Variants in FBXW8 observed in about 807,000 individuals in gnomAD.
FBXW8 encodes F-box/WD repeat-containing protein 8.
FBXW8 carries 57 observed loss-of-function variants against 65.3 expected under a neutral mutation model. The ratio of observed to expected loss-of-function variants is 0.87; its 90% CI spans 0.71 to 1.09. The LOEUF (loss-of-function observed/expected upper bound fraction) is 1.09. Among genes scored for constraint, FBXW8 ranks in the 50% least tolerant of loss-of-function variants. The pLI is 0.00. For synonymous variants in FBXW8, 308 were observed against 330.2 expected (o/e 0.93, Z 0.73); for missense variants, 777 against 814.8 (o/e 0.95, Z 0.57).
At chr12:116,938,917 T>C (rs1882362480) in intron 2 of FBXW8, among the ~76,000 whole-genome samples, 1 of 152,198 alleles carries the variant, frequency 6.6e-6, no homozygotes, top group African/African-American at 2.4e-5. Context: ...GTAGCCCCAG[T>C]CTGGGTGCAT....
At chr12:117,012,929 A>G (rs1953861817) in intron 8 of FBXW8, among the ~76,000 whole-genome samples, 1 of 152,146 alleles carries the variant, frequency 6.6e-6, no homozygotes, top group South Asian at 2.1e-4. Context: ...CATGGGTGGA[A>G]TTTTATAAGG....
intron 5 of FBXW8, chr12:116,980,472 C>G (rs1885230414): frequency 6.6e-6 from 1 of 152,168 alleles, no homozygotes; most frequent in South Asian, 2.1e-4. Context: ...CAGCCACATC[C>G]AGCACTGTGA....
chr12:116,960,900 A>AGGAGG (rs1198084773), intron 4 of FBXW8, among the ~76,000 whole-genome samples: 1 of 152,198 alleles, frequency 6.6e-6, no homozygotes, highest in Non-Finnish European at 1.5e-5. Flanking sequence ...TCAGGCTTCA[A>AGGAGG]GGAGGGGAGG....
intron 1 of FBXW8, among the ~76,000 whole-genome samples, chr12:116,927,230 C>G (rs1284332724): frequency 1.3e-5 from 2 of 152,098 alleles, no homozygotes; most frequent in East Asian, 1.9e-4. Context: ...TTTGTGCTAC[C>G]AGGATCGTCA....
intron 3 of FBXW8, among the ~76,000 whole-genome samples, chr12:116,945,886 T>C (rs935816156): frequency 6.6e-6 from 1 of 152,214 alleles, no homozygotes; most frequent in South Asian, 2.1e-4. Context: ...ACTACCTGCA[T>C]ACAAAAGAGG....
At chr12:116,928,831 G>A (rs757167572) in intron 2 of FBXW8, among the ~76,000 whole-genome samples, 2 of 152,020 alleles carry the variant, frequency 1.3e-5, no homozygotes, top group Non-Finnish European at 2.9e-5. Flanking sequence ...TTTTTTTTGA[G>A]ATGGAGTTTT....
At position 116,936,240 on chromosome 12, in the gene FBXW8, ACT is replaced by A. The variant is rs1434061506; in HGVS notation, c.423+8114_423+8115del. On this transcript the variant is annotated intron_variant, in intron 2 of 10. Coordinates refer to ENST00000652555, the MANE Select transcript of FBXW8 (RefSeq NM_153348.3). This position sits in a 1 kb window ranked among gnomAD's most constrained non-coding sequence, Gnocchi z 4.6. ...CAGAGTGGAATAGCAAGGACGAAGG[ACT>A]TGAGGCAGACACAGCTGAAGCTCAT... Among the ~76,000 whole-genome samples, 1 of 152,180 alleles carries A rather than the reference ACT, an allele frequency of 6.6e-6. No individual in the cohort carries two copies. The highest frequency in any genetic ancestry group is 1.9e-4 in the East Asian group (1 of 5,198).
chr12:116,981,467 C>T (rs1885297755), intron 5 of FBXW8, among the ~76,000 whole-genome samples: 1 of 152,028 alleles, frequency 6.6e-6, no homozygotes, highest in African/African-American at 2.4e-5. Flanking sequence ...AAGATAATTG[C>T]CTGCTTATGC....
chr12:116,951,257 G>A (rs946653182), intron 4 of FBXW8: 2 of 152,208 alleles, frequency 1.3e-5, no homozygotes, highest in African/African-American at 4.8e-5. Context: ...TGATGGCTTA[G>A]CATGAGAGAC....
At chr12:116,963,531 G>T (rs1351384350) in intron 4 of FBXW8, among the ~76,000 whole-genome samples, 2 of 152,200 alleles carry the variant, frequency 1.3e-5, no homozygotes, top group African/African-American at 4.8e-5. Flanking sequence ...TTGAACCTGG[G>T]AGACGGAGGT....
chr12:116,922,108 A>T (rs547059314), intron 1 of FBXW8, among the ~76,000 whole-genome samples: 1 of 152,040 alleles, frequency 6.6e-6, no homozygotes, highest in Non-Finnish European at 1.5e-5. Flanking sequence ...GGGATTACAG[A>T]TATGAGCCAC....
At chr12:116,967,816 G>C (rs111573549) in intron 5 of FBXW8, among the ~76,000 whole-genome samples, 4,012 of 152,266 alleles carry the variant, frequency 0.026, 66 homozygotes, top group Non-Finnish European at 0.041. Context: ...ATCCAGACTG[G>C]AGTGCAGTGG....
chr12:116,985,660 G>A (rs964506002), intron 6 of FBXW8: 2 of 390,910 alleles, frequency 5.1e-6, no homozygotes, highest in Non-Finnish European at 9.2e-6. Flanking sequence ...AAACCTCAGG[G>A]CTGACTTCAG....
chr12:116,920,768 G>A (rs1250516248), intron 1 of FBXW8, among the ~76,000 whole-genome samples: 2 of 152,146 alleles, frequency 1.3e-5, no homozygotes, highest in Admixed American at 1.3e-4. Context: ...TTAATCATTT[G>A]TGACCAACAG....
intron 5 of FBXW8, among the ~76,000 whole-genome samples, chr12:116,983,539 A>G (rs1885461611): frequency 6.6e-6 from 1 of 152,158 alleles, no homozygotes; most frequent in Non-Finnish European, 1.5e-5. Context: ...AATTCTCTAT[A>G]TTTATTTAGT....
At chr12:116,949,997 G>A in intron 4 of FBXW8, 1 of 334,280 alleles carries the variant, frequency 3.0e-6, no homozygotes. Context: ...TTTTCATTAA[G>A]GCAAACAGTT....
At chr12:116,982,862 CAGTT>C (rs1885410143) in intron 5 of FBXW8, among the ~76,000 whole-genome samples, 2 of 152,126 alleles carry the variant, frequency 1.3e-5, no homozygotes, top group East Asian at 1.9e-4. Flanking sequence ...TGGTGTACGT[CAGTT>C]ACTCATTGAG....
At chr12:117,004,682 C>T (rs1307324825) in intron 7 of FBXW8, among the ~76,000 whole-genome samples, 1 of 152,158 alleles carries the variant, frequency 6.6e-6, no homozygotes, top group East Asian at 1.9e-4. Flanking sequence ...TAGATACTTT[C>T]CCCATCTTGC....
chr12:117,005,169 A>C (rs1268933470), intron 7 of FBXW8, among the ~76,000 whole-genome samples: 1 of 152,200 alleles, frequency 6.6e-6, no homozygotes, highest in African/African-American at 2.4e-5. Context: ...TCCTTTGTAC[A>C]TACCAGCAGC....
Sources: allele counts gnomAD v4.1 joint callset (sites outside exome capture counted in the v4.1 genomes callset), GRCh38; gene constraint gnomAD v4.1.1; non-coding constraint Gnocchi (gnomAD v3.1); transcripts MANE v1.5; gene names NCBI Gene and HGNC (gene_info 2026-07-23, HGNC 2026-07-21).